MEX3D: variants seen among roughly 807,000 people sequenced by gnomAD.
The protein encoded by MEX3D is RNA-binding protein MEX3D.
Under a neutral mutation model 6.3 loss-of-function variants are expected in MEX3D, and 4 were observed. That is an observed-to-expected ratio of 0.64 (90% CI 0.31 to 1.46). The LOEUF (loss-of-function observed/expected upper bound fraction) is 1.46. Among genes scored for constraint, MEX3D ranks in the 40% most tolerant of loss-of-function variants. The pLI is 0.07. For synonymous variants in MEX3D, 626 were observed against 494.1 expected (o/e 1.27, Z -3.54); for missense variants, 1,038 against 994.4 (o/e 1.04, Z -0.59).
intron 1 of MEX3D, among the ~76,000 whole-genome samples, chr19:1,563,865 T>G (rs1253579318): frequency 6.6e-6 from 1 of 152,128 alleles, no homozygotes; most frequent in Non-Finnish European, 1.5e-5. Context: ...TGGAGAGCGG[T>G]GACAAGATCA....
intron 1 of MEX3D, among the ~76,000 whole-genome samples, chr19:1,559,113 G>A (rs1914655886): frequency 6.6e-6 from 1 of 151,876 alleles, no homozygotes; most frequent in African/African-American, 2.4e-5. Flanking sequence ...TCAGCCTCCA[G>A]AGCTGGCACC....
chr19:1,556,595 C>T lies in MEX3D; in HGVS notation c.924G>A (p.Val308=), dbSNP rs1914571207. 1 of 1,609,526 alleles carries T rather than the reference C, an allele frequency of 6.2e-7. No homozygotes were observed. The highest frequency in any genetic ancestry group is 1.7e-5 in the Admixed American group (1 of 59,896). ...CCGGCTCCTTGTCGCGCCCGGGCGT[C>T]ACGATGTAGGTGTGCGTCCGCTGCT... is the stretch of plus-strand genomic sequence containing the variant. ...RIQQRTHTYI[V]TPGRDKEPVF... Residue 308 remains valine (V), a synonymous_variant, in exon 2 of 2, where the codon GTG becomes GTA. Coordinates refer to ENST00000402693, the MANE Select transcript of MEX3D (RefSeq NM_203304.4). The surrounding 1 kb of genome is among the most constrained non-coding windows in gnomAD (Gnocchi z 7.5).
At chr19:1,559,231 A>C (rs1914659105) in intron 1 of MEX3D, among the ~76,000 whole-genome samples, 1 of 152,084 alleles carries the variant, frequency 6.6e-6, no homozygotes, top group African/African-American at 2.4e-5. Context: ...TCCTAGGTTC[A>C]AACAATTCTC....
chr19:1,556,626 C>T lies in MEX3D; in HGVS notation c.893G>A (p.Arg298His). ...GTAGGTGTGCGTCCGCTGCTGGATGCGCTTGATGGTGGCGCCCTTGGGCCC... is the reference window on the plus strand; with the variant it reads ...GTAGGTGTGCGTCCGCTGCTGGATGTGCTTGATGGTGGCGCCCTTGGGCCC... ...VVGPKGATIK[R>H]IQQRTHTYIV... Residue 298 changes from arginine to histidine, a missense_variant, in exon 2 of 2, where the codon CGC (arginine) becomes CAC (histidine). Arg to His is a conservative substitution (Grantham distance 29). Around this residue, in one of 5 missense-constraint regions of MEX3D, gnomAD observed 65 missense variants for 109.3 expected, o/e 0.59. Coordinates refer to ENST00000402693, the MANE Select transcript of MEX3D (RefSeq NM_203304.4). The surrounding 1 kb of genome is among the most constrained non-coding windows in gnomAD (Gnocchi z 7.5). 1.2e-6 allele frequency: 2 copies of T among 1,610,416 alleles called. No individual in the cohort carries two copies. The highest frequency in any genetic ancestry group is 1.7e-6 in the Non-Finnish European group (2 of 1,179,172).
At chr19:1,557,741 C>A (rs529176477) in intron 1 of MEX3D, among the ~76,000 whole-genome samples, 1 of 151,056 alleles carries the variant, frequency 6.6e-6, no homozygotes, top group East Asian at 1.9e-4. Context: ...CATCTGTAGT[C>A]CCAGGTACTC....
At chr19:1,563,284 G>A (rs1914763782) in intron 1 of MEX3D, among the ~76,000 whole-genome samples, 1 of 152,170 alleles carries the variant, frequency 6.6e-6, no homozygotes, top group African/African-American at 2.4e-5. Flanking sequence ...GGGACAGGAG[G>A]GGAGACAGTG....
At position 1,556,312 on chromosome 19, in the gene MEX3D, C is replaced by CGGGGGCGCT. The variant is rs750000154; in HGVS notation, c.1198_1206dup (p.Ser400_Pro402dup). 1 of 1,320,166 alleles carries CGGGGGCGCT rather than the reference C, an allele frequency of 7.6e-7. No homozygotes were observed. Among genetic ancestry groups the CGGGGGCGCT allele is most frequent in the Non-Finnish European group, 9.6e-7 (1 of 1,039,952 alleles). 81.8% of individuals were successfully genotyped at this position (1,320,166 alleles called of 1,614,324 possible). ...CCGCGGCTGCCCGCGTAGAAGGCCT[C>CGGGGGCGCT]GGGGGCGCTGGGGGCGCCCAGGGCC... On this transcript the variant is annotated inframe_insertion, in exon 2 of 2. Coordinates refer to ENST00000402693, the MANE Select transcript of MEX3D (RefSeq NM_203304.4). The surrounding 1 kb of genome is among the most constrained non-coding windows in gnomAD (Gnocchi z 7.5).
Position 1,555,290 on chromosome 19 carries a change from C to CA in MEX3D, c.*272dup. Reference sequence around the variant, plus strand: ...AAAAATAAGAAAACTAAAAAAAGTGCAAGCGGACCTTTTCTCTCCGGTTTA... The same window carrying CA: ...AAAAATAAGAAAACTAAAAAAAGTGCAAAGCGGACCTTTTCTCTCCGGTTTA... On this transcript the variant is annotated 3_prime_UTR_variant, in exon 2 of 2. Coordinates refer to ENST00000402693, the MANE Select transcript of MEX3D (RefSeq NM_203304.4). The CA allele has an allele frequency of 1.3e-6, 2 of 1,560,554 alleles. No individual in the cohort carries two copies. The highest frequency in any genetic ancestry group is 1.7e-6 in the Non-Finnish European group (2 of 1,147,170).
Position 1,556,673 on chromosome 19 carries a change from G to T in MEX3D, c.846C>A (p.Tyr282Ter). 6.2e-7 allele frequency: 1 copy of T among 1,610,868 alleles called. No individual in the cohort carries two copies. The highest frequency in any genetic ancestry group is 8.5e-7 in the Non-Finnish European group (1 of 1,178,990). ...GCCCCACCACCAGCCCCACCACCCG[G>T]TAGGGCACGCGCACCTGGATGGTGG... ...GQTTIQVRVPYRVVGLVVGPK... is the reference protein window; with the variant it reads ...GQTTIQVRVP Residue 282 changes from tyrosine to a stop codon, truncating the protein, a stop_gained, in exon 2 of 2, where the codon TAC (tyrosine) becomes TAA (stop). Coordinates refer to ENST00000402693, the MANE Select transcript of MEX3D (RefSeq NM_203304.4). LOFTEE classifies it low-confidence loss of function (END_TRUNC). This position sits in a 1 kb window ranked among gnomAD's most constrained non-coding sequence, Gnocchi z 7.5.
rs1277165888 is a variant in MEX3D, at chr19:1,555,530, G to A, written c.*33C>T. ...TCTCCCGCGCCCACCCCTGGCCCCC[G>A]CAGATGGCCCCGGCCACGTGGTGGT... is the stretch of plus-strand genomic sequence containing the variant. On this transcript the variant is annotated 3_prime_UTR_variant, in exon 2 of 2. Transcript: ENST00000402693. 5.2e-6 allele frequency: 7 copies of A among 1,348,392 alleles called. No individual in the cohort carries two copies. Among genetic ancestry groups the A allele is most frequent in the Admixed American group, 2.3e-5 (1 of 44,228 alleles). 83.5% of individuals were successfully genotyped at this position (1,348,392 alleles called of 1,614,324 possible).
Position 1,567,394 on chromosome 19 carries a change from G to A in MEX3D, c.595+70C>T. On this transcript the variant is annotated intron_variant, in intron 1 of 1. Coordinates refer to ENST00000402693, the MANE Select transcript of MEX3D (RefSeq NM_203304.4). The surrounding 1 kb of genome is among the most constrained non-coding windows in gnomAD (Gnocchi z 6.5). ...CCGGCGCGGGCTGGGCTGGGCTCGG[G>A]CGACCCCCTTCCCCGGGGCGGACGG... 2 of 1,457,614 alleles carry A rather than the reference G, an allele frequency of 1.4e-6. No individual in the cohort carries two copies. Among genetic ancestry groups the A allele is most frequent in the Non-Finnish European group, 1.8e-6 (2 of 1,108,236 alleles). 90.3% of individuals were successfully genotyped at this position (1,457,614 alleles called of 1,614,324 possible).
rs1439752402 is a variant in MEX3D, at chr19:1,556,215, C to T, written c.1304G>A (p.Gly435Asp). ...SGSGNGGFAFGAEGPGAPVGT... is the reference protein window; with the variant it reads ...SGSGNGGFAFDAEGPGAPVGT... ...CACCGGGGCACCGGGACCCTCCGCG[C>T]CGAAGGCGAAGCCCCCGTTGCCGGA... Residue 435 changes from glycine to aspartate, a missense_variant, in exon 2 of 2, where the codon GGC becomes GAC. By Grantham distance (94) the Gly-to-Asp change is moderately conservative (BLOSUM62 -1). This residue lies in a region of MEX3D where 581 missense variants were observed against 516.2 expected (regional missense o/e 1.13). Coordinates refer to ENST00000402693, the MANE Select transcript of MEX3D (RefSeq NM_203304.4). The surrounding 1 kb of genome is among the most constrained non-coding windows in gnomAD (Gnocchi z 7.5). The T allele has an allele frequency of 7.0e-7, 1 of 1,427,202 alleles. No individual in the cohort carries two copies. Among genetic ancestry groups the T allele is most frequent in the South Asian group, 1.3e-5 (1 of 77,614 alleles). 88.4% of individuals were successfully genotyped at this position (1,427,202 alleles called of 1,614,324 possible).
Position 1,555,962 on chromosome 19 carries a change from C to A in MEX3D, c.1557G>T (p.Glu519Asp). ...GTPRHSPTLP[E>D]PGGLRLELPL... is the part of the protein sequence containing the mutation. ...GGAGCTCCAGGCGGAGGCCGCCGGG[C>A]TCGGGCAGCGTGGGCGAGTGGCGGG... is the stretch of plus-strand genomic sequence containing the variant. The change falls in exon 2 of 2, where the codon GAG (glutamate) becomes GAT (aspartate). Residue 519 changes from glutamate to aspartate, a missense_variant. Glu to Asp is a conservative substitution (Grantham distance 45, BLOSUM62 2). Around this residue, in one of 5 missense-constraint regions of MEX3D, gnomAD observed 581 missense variants for 516.2 expected, o/e 1.13. Transcript: ENST00000402693. The A allele has an allele frequency of 1.7e-5, 20 of 1,170,306 alleles. No homozygotes were observed. Among genetic ancestry groups the A allele is most frequent in the Non-Finnish European group, 2.0e-5 (19 of 948,626 alleles). 72.5% of individuals were successfully genotyped at this position (1,170,306 alleles called of 1,614,324 possible). A position where few individuals can be genotyped will look rare whatever the true frequency, so the allele number is the denominator to read the frequency against.
At chr19:1,562,119 G>C (rs1467526247) in intron 1 of MEX3D, among the ~76,000 whole-genome samples, 2 of 151,998 alleles carry the variant, frequency 1.3e-5, no homozygotes, top group Admixed American at 6.6e-5. Context: ...AAATTAGCCG[G>C]GTGTGGTGGT....
chr19:1,560,336 G>A (rs1348837461), intron 1 of MEX3D, among the ~76,000 whole-genome samples: 3 of 152,250 alleles, frequency 2.0e-5, no homozygotes, highest in South Asian at 2.1e-4. Context: ...GGAAGGAGGT[G>A]CCACCCACAG....
In MEX3D at chr19:1,555,538, C is replaced by T. The variant is rs774472258; in HGVS notation, c.*25G>A. 6.5e-7 allele frequency: 1 copy of T among 1,538,170 alleles called. No individual in the cohort carries two copies. The highest frequency in any genetic ancestry group is 8.7e-7 in the Non-Finnish European group (1 of 1,142,918). On this transcript the variant is annotated 3_prime_UTR_variant, in exon 2 of 2. Transcript: ENST00000402693. ...GCCCACCCCTGGCCCCCGCAGATGG[C>T]CCCGGCCACGTGGTGGTCCGCGCTC...
intron 1 of MEX3D, among the ~76,000 whole-genome samples, chr19:1,564,428 G>A (rs1914790086): frequency 6.6e-6 from 1 of 152,054 alleles, no homozygotes; most frequent in East Asian, 1.9e-4. Flanking sequence ...ACATACTAGG[G>A]GGGCTGAGGC....
Position 1,555,130 on chromosome 19 carries a change from G to T in MEX3D, c.*433C>A. ...CACCCTCCTCCTCTGGAACGTCTGT[G>T]CGGCCTGAGACCGGCCGGCGAGAAA... On this transcript the variant is annotated 3_prime_UTR_variant, in exon 2 of 2. Transcript: ENST00000402693. 2 of 375,366 alleles carry T rather than the reference G, an allele frequency of 5.3e-6. No individual in the cohort carries two copies. The highest frequency in any genetic ancestry group is 2.2e-5 in the African/African-American group (1 of 44,524). 23.3% of individuals were successfully genotyped at this position (375,366 alleles called of 1,614,324 possible).
chr19:1,567,704 C>T lies in MEX3D; in HGVS notation c.355G>A (p.Val119Met), dbSNP rs1914881753. 1.9e-6 allele frequency: 2 copies of T among 1,056,790 alleles called. No homozygotes were observed. The highest frequency in any genetic ancestry group is 1.2e-6 in the Non-Finnish European group (1 of 868,000). The allele number at this position is 1,056,790 out of a possible 1,614,324, so 65.5% of individuals were successfully genotyped here. A position where few individuals can be genotyped will look rare whatever the true frequency, so the allele number is the denominator to read the frequency against. ...AGAPPTLAPAVAPGSLPLLDP... is the reference protein window; with the variant it reads ...AGAPPTLAPAMAPGSLPLLDP... ...AGCAGCGGCAGCGACCCGGGGGCCA[C>T]GGCGGGGGCCAGGGTCGGGGGCGCG... is the stretch of plus-strand genomic sequence containing the variant. The change falls in exon 1 of 2, where the codon GTG (valine) becomes ATG (methionine). Residue 119 changes from valine (V) to methionine (M), a missense_variant. Around this residue, in one of 5 missense-constraint regions of MEX3D, gnomAD observed 265 missense variants for 206.3 expected, o/e 1.28. Coordinates refer to ENST00000402693, the MANE Select transcript of MEX3D (RefSeq NM_203304.4). The surrounding 1 kb of genome is among the most constrained non-coding windows in gnomAD (Gnocchi z 6.5).
Sources: gnomAD v4.1 joint callset for allele counts (sites outside exome capture counted in the v4.1 genomes callset) on GRCh38, gnomAD v4.1.1 for gene constraint, gnomAD v4.1.1 regional missense constraint, Gnocchi (gnomAD v3.1) non-coding constraint, MANE v1.5 for transcripts, NCBI Gene and HGNC (gene_info 2026-07-23, HGNC 2026-07-21) for gene names.